The following NRP2 variants were observed in gnomAD, a reference collection of about 807,000 sequenced individuals.
NRP2 encodes the protein neuropilin-2.
In NRP2, 52 loss-of-function variants were observed where a neutral mutation model predicts 110.4. The ratio of observed to expected loss-of-function variants is 0.47; its 90% CI spans 0.38 to 0.59. The LOEUF is 0.59. Ranked by LOEUF, NRP2 falls within the 20% of genes least tolerant of loss-of-function variation. The pLI is 0.00. For synonymous variants in NRP2, 508 were observed against 468.9 expected (o/e 1.08, Z -1.08); for missense variants, 1,049 against 1,203.0 (o/e 0.87, Z 1.89).
intron 7 of NRP2, among the ~76,000 whole-genome samples, chr2:205,737,973 C>T (rs2057374016): frequency 6.6e-6 from 1 of 152,232 alleles, no homozygotes; most frequent in African/African-American, 2.4e-5. Flanking sequence ...CTCATGCACA[C>T]ACCGCCATCC....
At chr2:205,764,489 GA>G (rs1427192333) in intron 13 of NRP2, 1 of 161,504 alleles carries the variant, frequency 6.2e-6, no homozygotes, top group Non-Finnish European at 1.4e-5. Flanking sequence ...CTGAGGCACA[GA>G]TGGGTATGTT....
intron 2 of NRP2, 91 bp downstream of exon 2, chr2:205,697,812 A>T (rs1000502596): frequency 8.1e-7 from 1 of 1,241,986 alleles, no homozygotes; most frequent in Non-Finnish European, 1.2e-6. Context: ...ATCACCCCTC[A>T]CCCCAAGACC....
Position 205,794,984 on chromosome 2 carries a change from T to G in NRP2, c.2707T>G (p.Tyr903Asp). ...CCGAAGCTGCACCACACTGGAGAAC[T>G]ACAACTTCGAGCTCTACGATGGCCT... is the stretch of plus-strand genomic sequence containing the variant. Reference protein sequence around the residue: ...SSRSCTTLENYNFELYDGLKH... With the variant: ...SSRSCTTLENDNFELYDGLKH... The change falls in exon 17 of 17, where the codon TAC becomes GAC. Residue 903 changes from tyrosine to aspartate, a missense_variant. Transcript: ENST00000357785. 6.2e-7 allele frequency: 1 copy of G among 1,614,164 alleles called. No homozygotes were observed. The highest frequency in any genetic ancestry group is 8.5e-7 in the Non-Finnish European group (1 of 1,180,018).
intron 7 of NRP2, among the ~76,000 whole-genome samples, chr2:205,734,710 T>G (rs768238440): frequency 4.6e-5 from 7 of 152,152 alleles, no homozygotes; most frequent in Non-Finnish European, 8.8e-5. Context: ...TTCCCCCTTC[T>G]TGAGTGTCTG....
At chr2:205,752,779 T>C in intron 11 of NRP2, 56 bp from the exon 12 acceptor site, 1 of 1,596,598 alleles carries the variant, frequency 6.3e-7, no homozygotes, top group Non-Finnish European at 8.6e-7. Context: ...CCACTGTGGC[T>C]GTTCTCTGAA....
chr2:205,765,799 A>G, intron 14 of NRP2: 1 of 666,372 alleles, frequency 1.5e-6, no homozygotes. Context: ...AATCAGAAAT[A>G]GACATGCACT....
At chr2:205,767,045 G>A (rs747632122) in intron 15 of NRP2, 9 of 580,666 alleles carry the variant, frequency 1.5e-5, no homozygotes, top group Non-Finnish European at 2.4e-5. Context: ...GAGACAAATA[G>A]GTTACAGATA....
chr2:205,772,982 A>T (rs2058045073), intron 15 of NRP2, among the ~76,000 whole-genome samples: 2 of 152,244 alleles, frequency 1.3e-5, no homozygotes, highest in South Asian at 4.1e-4. Context: ...TGGTCCAAAT[A>T]TATTCCCCTA....
At chr2:205,738,704 C>T (rs2057388692) in intron 7 of NRP2, among the ~76,000 whole-genome samples, 1 of 152,180 alleles carries the variant, frequency 6.6e-6, no homozygotes, top group Admixed American at 6.5e-5. Context: ...AGAGGCATGA[C>T]TAACAAGTTC....
intron 7 of NRP2, among the ~76,000 whole-genome samples, chr2:205,739,338 C>T (rs1406683422): frequency 2.6e-5 from 4 of 152,212 alleles, no homozygotes; most frequent in Non-Finnish European, 1.5e-5. Flanking sequence ...GAATATCTAC[C>T]TTCTGGGGTA....
intron 12 of NRP2, among the ~76,000 whole-genome samples, 182 bp downstream of exon 12, chr2:205,753,157 C>T (rs919438986): frequency 1.1e-4 from 16 of 152,178 alleles, no homozygotes; most frequent in Non-Finnish European, 2.4e-4. Flanking sequence ...GTTGGTGGTT[C>T]CCAGCCTCTC....
intron 8 of NRP2, among the ~76,000 whole-genome samples, chr2:205,740,992 C>A (rs1050875104): frequency 6.8e-6 from 1 of 148,098 alleles, no homozygotes; most frequent in Non-Finnish European, 1.5e-5. Context: ...GAAACCAAGA[C>A]TTAAAGAGCT....
At chr2:205,696,547 G>C (rs2056430845) in intron 1 of NRP2, among the ~76,000 whole-genome samples, 2 of 152,212 alleles carry the variant, frequency 1.3e-5, no homozygotes, top group South Asian at 4.1e-4. Context: ...GCTGGGGATT[G>C]CAGAACTTTA....
chr2:205,784,670 T>C (rs2058216421), intron 15 of NRP2, among the ~76,000 whole-genome samples: 1 of 152,212 alleles, frequency 6.6e-6, no homozygotes, highest in African/African-American at 2.4e-5. Context: ...CCTCTTTCTC[T>C]GTGGAGGAGC....
intron 9 of NRP2, 121 bp downstream of exon 9, chr2:205,743,673 T>A (rs2057486240): frequency 6.8e-7 from 1 of 1,480,924 alleles, no homozygotes; most frequent in Admixed American, 2.3e-5. Context: ...TGAAATCCAA[T>A]AAAACAAATA....
chr2:205,708,510 T>C (rs849549), intron 2 of NRP2, among the ~76,000 whole-genome samples: 144,864 of 152,290 alleles, frequency 0.95, 69,313 homozygotes, highest in East Asian at 1. Context: ...ACTTATCAGA[T>C]GCGTTGTCTG....
At chr2:205,690,510 C>A in intron 1 of NRP2, among the ~76,000 whole-genome samples, 1 of 151,028 alleles carries the variant, frequency 6.6e-6, no homozygotes, top group African/African-American at 2.4e-5. Context: ...AGGAGGTGGG[C>A]AGATCACCTG....
intron 12 of NRP2, among the ~76,000 whole-genome samples, chr2:205,760,424 G>T (rs900482537): frequency 6.6e-6 from 1 of 152,182 alleles, no homozygotes; most frequent in Admixed American, 6.5e-5. Flanking sequence ...ATGATTTAAC[G>T]AAGTGAAATC....
At chr2:205,740,161 G>A (rs1234913857) in intron 7 of NRP2, among the ~76,000 whole-genome samples, 2 of 152,168 alleles carry the variant, frequency 1.3e-5, no homozygotes, top group Non-Finnish European at 2.9e-5. Flanking sequence ...GTGAGGTCTG[G>A]TAGCCCTAAA....
Sources: allele counts gnomAD v4.1 joint callset (sites outside exome capture counted in the v4.1 genomes callset), GRCh38; gene constraint gnomAD v4.1.1; transcripts MANE v1.5; gene names NCBI Gene and HGNC (gene_info 2026-07-23, HGNC 2026-07-21).